PHACTR1: variants seen among roughly 807,000 people sequenced by gnomAD.
The protein encoded by PHACTR1 is phosphatase and actin regulator 1.
PHACTR1 carries 16 observed loss-of-function variants against 69.2 expected under a neutral mutation model. The ratio of observed to expected loss-of-function variants is 0.23; its 90% CI spans 0.16 to 0.35. The LOEUF is 0.35. Among genes scored for constraint, PHACTR1 ranks in the 10% least tolerant of loss-of-function variants. The pLI is 1.00. For synonymous variants in PHACTR1, 312 were observed against 284.5 expected, an observed-to-expected ratio of 1.10 and a Z score of -0.97; for missense variants, 510 against 734.7, an observed-to-expected ratio of 0.69 and a Z score of 3.54.
intron 4 of PHACTR1, among the ~76,000 whole-genome samples, chr6:12,844,533 A>G (rs561744336): frequency 6.6e-6 from 1 of 152,314 alleles, no homozygotes; most frequent in African/African-American, 2.4e-5. Context: ...GCAAAGTTCT[A>G]TGCGTACAGG....
At chr6:13,107,081 T>C (rs1174418315) in intron 5 of PHACTR1, among the ~76,000 whole-genome samples, 2 of 146,530 alleles carry the variant, frequency 1.4e-5, no homozygotes, top group East Asian at 3.9e-4. Context: ...TTAGGAGATG[T>C]TTCCTTCTCT....
At chr6:12,834,117 T>A (rs187493111) in intron 4 of PHACTR1, among the ~76,000 whole-genome samples, 33 of 152,312 alleles carry the variant, frequency 2.2e-4, no homozygotes, top group African/African-American at 7.7e-4. Flanking sequence ...ATTTTATACT[T>A]GTCCACTGCT....
intron 4 of PHACTR1, among the ~76,000 whole-genome samples, chr6:13,048,817 C>T (rs915295854): frequency 1.3e-5 from 2 of 152,222 alleles, no homozygotes; most frequent in African/African-American, 2.4e-5. Context: ...TAGGCGTGAG[C>T]CACCGCACCA....
chr6:12,925,890 T>C (rs917051190), intron 4 of PHACTR1, among the ~76,000 whole-genome samples: 4 of 152,210 alleles, frequency 2.6e-5, no homozygotes, highest in Non-Finnish European at 5.9e-5. Context: ...TCGTGTATCT[T>C]CAAACTCTGC....
intron 8 of PHACTR1, among the ~76,000 whole-genome samples, chr6:13,210,980 AT>A (rs1159844629): frequency 8.1e-6 from 1 of 123,816 alleles, no homozygotes; most frequent in Non-Finnish European, 1.6e-5. Context: ...ATAACACTGC[AT>A]TTTTTCCCCA....
intron 4 of PHACTR1, among the ~76,000 whole-genome samples, chr6:12,811,604 C>A (rs180681361): frequency 6.8e-4 from 104 of 152,124 alleles, no homozygotes; most frequent in African/African-American, 2.3e-3. Flanking sequence ...TTATTTCTTA[C>A]TTTCTATTCT....
intron 4 of PHACTR1, among the ~76,000 whole-genome samples, chr6:12,949,873 A>G (rs1791096337): frequency 6.6e-6 from 1 of 152,170 alleles, no homozygotes. Context: ...TTAGATTACT[A>G]CTTGAAAATG....
At chr6:13,142,871 A>G in intron 5 of PHACTR1, among the ~76,000 whole-genome samples, 1 of 152,148 alleles carries the variant, frequency 6.6e-6, no homozygotes. Flanking sequence ...ATACCTAATG[A>G]ACAAATTGTA....
chr6:13,157,728 A>G (rs1286775933), intron 5 of PHACTR1, among the ~76,000 whole-genome samples: 2 of 152,218 alleles, frequency 1.3e-5, no homozygotes, highest in African/African-American at 4.8e-5. Flanking sequence ...TTATGCGGTT[A>G]AGTACAGAAG....
intron 5 of PHACTR1, among the ~76,000 whole-genome samples, chr6:13,063,796 A>G (rs762292540): frequency 8.0e-5 from 12 of 150,892 alleles, no homozygotes; most frequent in Non-Finnish European, 1.2e-4. Flanking sequence ...AAAAAAAATT[A>G]TGACTTGAAA....
At chr6:13,097,936 C>A (rs958268199) in intron 5 of PHACTR1, among the ~76,000 whole-genome samples, 4 of 152,180 alleles carry the variant, frequency 2.6e-5, no homozygotes, top group Non-Finnish European at 4.4e-5. Context: ...CCTCCTGTTA[C>A]AATAGAAGAA....
chr6:12,786,779 C>G (rs1581743278), intron 4 of PHACTR1, among the ~76,000 whole-genome samples: 1 of 152,158 alleles, frequency 6.6e-6, no homozygotes, highest in Admixed American at 6.5e-5. Flanking sequence ...CGTAACTGAA[C>G]CCTTGTGGCA....
At chr6:13,160,163 AC>A in intron 5 of PHACTR1, 40 bp from the exon 6 acceptor site, 4 of 1,549,896 alleles carry the variant, frequency 2.6e-6, no homozygotes, top group Non-Finnish European at 3.6e-6. Context: ...CAACTTTGTT[AC>A]CTACTCACAT....
intron 4 of PHACTR1, among the ~76,000 whole-genome samples, chr6:12,960,230 C>T (rs557183914): frequency 5.3e-5 from 8 of 152,276 alleles, no homozygotes; most frequent in East Asian, 1.9e-4. Flanking sequence ...TAGAACATCG[C>T]GTAGTGCTGT....
At chr6:13,058,910 C>T (rs1000650579) in intron 5 of PHACTR1, among the ~76,000 whole-genome samples, 2 of 152,012 alleles carry the variant, frequency 1.3e-5, no homozygotes, top group East Asian at 1.9e-4. Context: ...GATTCTGCCT[C>T]GTTTAGAGCA....
chr6:12,841,350 C>T (rs1778684033), intron 4 of PHACTR1, among the ~76,000 whole-genome samples: 1 of 152,060 alleles, frequency 6.6e-6, no homozygotes, highest in African/African-American at 2.4e-5. Context: ...AAGAGTGTGC[C>T]TCTACCATAG....
rs534783240 is a variant in PHACTR1, at chr6:12,771,663, C to G, written c.250+21873C>G. Among the ~76,000 whole-genome samples the G allele has an allele frequency of 8.5e-5, 13 of 152,282 alleles. No individual in the cohort carries two copies. The East Asian group carries it at 1.4e-3, about 16-fold the overall frequency. ...ATATACAGTCAGGCTATTGCTTTAC[C>G]CGACTGTAACTTAAAAATACCACCC... On this transcript the variant is annotated intron_variant, in intron 4 of 14. Coordinates refer to ENST00000332995, the MANE Select transcript of PHACTR1 (RefSeq NM_030948.6).
rs548274119 is a variant in PHACTR1, at chr6:13,259,640, G to A, written c.1392-13220G>A. Among the ~76,000 whole-genome samples the A allele has an allele frequency of 3.9e-5, 6 of 152,236 alleles. No individual in the cohort carries two copies. In the South Asian group the frequency reaches 1.0e-3, roughly 26 times the overall value. ...CTCCTGACAGTCCTACACAGCAGGCGGGCTAGATGTCATTATGACCATTTG... is the reference window on the plus strand; with the variant it reads ...CTCCTGACAGTCCTACACAGCAGGCAGGCTAGATGTCATTATGACCATTTG... On this transcript the variant is annotated intron_variant, in intron 10 of 14. Transcript: ENST00000332995.
chr6:13,057,192 C>T (rs1178228106), intron 5 of PHACTR1, among the ~76,000 whole-genome samples: 1 of 151,892 alleles, frequency 6.6e-6, no homozygotes, highest in Non-Finnish European at 1.5e-5. Flanking sequence ...ATGGATATTC[C>T]CAATTACCCT....
Sources: allele counts gnomAD v4.1 joint callset (sites outside exome capture counted in the v4.1 genomes callset), GRCh38; gene constraint gnomAD v4.1.1; transcripts MANE v1.5; gene names NCBI Gene and HGNC (gene_info 2026-07-23, HGNC 2026-07-21).